The following HNRNPF variants were observed in gnomAD, a reference collection of about 807,000 sequenced individuals.
HNRNPF encodes HnRNP F protein.
Under a neutral mutation model 26.0 loss-of-function variants are expected in HNRNPF, and 2 were observed. The ratio of observed to expected loss-of-function variants is 0.08; its 90% CI spans 0.03 to 0.24. The LOEUF (loss-of-function observed/expected upper bound fraction) is 0.24. Ranked by LOEUF, HNRNPF falls within the 10% of genes least tolerant of loss-of-function variation. HNRNPF has a pLI of 1.00. For synonymous variants in HNRNPF, 234 were observed against 211.5 expected (o/e 1.11, Z -0.92); for missense variants, 299 against 539.2 (o/e 0.55, Z 4.41).
intron 1 of HNRNPF, among the ~76,000 whole-genome samples, chr10:43,403,334 T>C (rs1327011599): frequency 1.3e-5 from 2 of 152,220 alleles, no homozygotes; most frequent in Non-Finnish European, 2.9e-5. Flanking sequence ...AGAGATCTTT[T>C]TCCTAGCCCC....
rs1317388781 is a variant in HNRNPF at position 43,386,559 on chromosome 10, C to T, written c.*78G>A. Reference sequence around the variant, plus strand: ...TGGTGCAAAATGGGTCCCCCAGCTTCCTCTATTATAACTGCTCTTAATTGC... The same window carrying T: ...TGGTGCAAAATGGGTCCCCCAGCTTTCTCTATTATAACTGCTCTTAATTGC... On this transcript the variant is annotated 3_prime_UTR_variant, in exon 4 of 4. Coordinates refer to ENST00000682386, the MANE Select transcript of HNRNPF (RefSeq NM_001098204.2). 1 of 1,335,514 alleles carries T rather than the reference C, an allele frequency of 7.5e-7. No homozygotes were observed. 82.7% of individuals were successfully genotyped at this position (1,335,514 alleles called of 1,614,324 possible).
At chr10:43,408,110 G>A (rs1838989738) in intron 1 of HNRNPF, among the ~76,000 whole-genome samples, 1 of 152,042 alleles carries the variant, frequency 6.6e-6, no homozygotes, top group African/African-American at 2.4e-5. Flanking sequence ...TTACTTTTCA[G>A]TAGAGACAGT....
At chr10:43,391,368 GAA>G (rs1838239513) in intron 3 of HNRNPF, among the ~76,000 whole-genome samples, 2 of 151,652 alleles carry the variant, frequency 1.3e-5, no homozygotes, top group Non-Finnish European at 2.9e-5. Flanking sequence ...TGAGGCAAGA[GAA>G]TCACCTGAAC....
At chr10:43,392,841 G>A (rs1285879446) in intron 3 of HNRNPF, among the ~76,000 whole-genome samples, 3 of 152,156 alleles carry the variant, frequency 2.0e-5, no homozygotes, top group Admixed American at 6.5e-5. Flanking sequence ...CCCAGTCTTC[G>A]GCTCCCTGAA....
chr10:43,400,399 A>T (rs969579291), intron 1 of HNRNPF, among the ~76,000 whole-genome samples: 11 of 152,196 alleles, frequency 7.2e-5, no homozygotes, highest in African/African-American at 2.7e-4. Context: ...TTTAGGACAC[A>T]GCTTCTGCTG....
chr10:43,387,178 T>G lies in HNRNPF; in HGVS notation c.707A>C (p.Tyr236Ser). The G allele has an allele frequency of 6.2e-7, 1 of 1,614,194 alleles. No individual in the cohort carries two copies. The highest frequency in any genetic ancestry group is 8.5e-7 in the Non-Finnish European group (1 of 1,180,040). The change falls in exon 4 of 4, where the codon TAC becomes TCC. Residue 236 changes from tyrosine (Y) to serine (S), a missense_variant. Tyr to Ser is a moderately radical substitution (Grantham distance 144). Transcript: ENST00000682386. This position sits in a 1 kb window ranked among gnomAD's most constrained non-coding sequence, Gnocchi z 6.0. The part of the protein sequence containing the change: ...AGLERMRPGA[Y>S]STGYGGYEEY... ...CTCGTAGCCCCCGTAGCCTGTGCTG[T>G]AGGCACCAGGCCTCATCCTTTCCAG...
intron 1 of HNRNPF, among the ~76,000 whole-genome samples, chr10:43,400,185 T>A (rs539458558): frequency 4.9e-4 from 75 of 152,254 alleles, no homozygotes; most frequent in African/African-American, 1.7e-3. Context: ...CCCATCTCTA[T>A]ATAGGAAAAA....
chr10:43,402,710 A>T (rs1313878664), intron 1 of HNRNPF, among the ~76,000 whole-genome samples: 4 of 152,010 alleles, frequency 2.6e-5, no homozygotes, highest in Non-Finnish European at 4.4e-5. Flanking sequence ...TGTCATAAAC[A>T]TCATAATTCT....
chr10:43,407,062 T>C (rs1361600824), intron 1 of HNRNPF, among the ~76,000 whole-genome samples: 3 of 152,168 alleles, frequency 2.0e-5, no homozygotes, highest in African/African-American at 7.2e-5. Context: ...CGTATTTAAC[T>C]TTTAAAAATA....
intron 1 of HNRNPF, among the ~76,000 whole-genome samples, chr10:43,404,686 C>T (rs867508098): frequency 6.6e-6 from 1 of 151,994 alleles, no homozygotes; most frequent in Non-Finnish European, 1.5e-5. Context: ...GTTGATACTC[C>T]GTCTCTACTA....
Position 43,386,621 on chromosome 10 carries a change from A to G in HNRNPF, c.*16T>C, listed in dbSNP as rs1425251705. 7.9e-6 allele frequency: 12 copies of G among 1,524,408 alleles called. No individual in the cohort carries two copies. The highest frequency in any genetic ancestry group is 5.2e-5 in the South Asian group (4 of 77,188). 94.4% of individuals were successfully genotyped at this position (1,524,408 alleles called of 1,614,324 possible). A position where few individuals can be genotyped will look rare whatever the true frequency, so the allele number is the denominator to read the frequency against. ...CTGTGAAAATGATTGAAGTAACTCA[A>G]ATGTTCCTAACAAAACTAGTCATAG... On this transcript the variant is annotated 3_prime_UTR_variant, in exon 4 of 4. Coordinates refer to ENST00000682386, the MANE Select transcript of HNRNPF (RefSeq NM_001098204.2).
intron 1 of HNRNPF, chr10:43,397,129 G>C (rs150076794): frequency 0.096 from 14,421 of 150,666 alleles, 792 homozygotes; most frequent in Non-Finnish European, 0.12. Context: ...AAAGGGACCT[G>C]GGGGGGGCGG....
intron 1 of HNRNPF, among the ~76,000 whole-genome samples, chr10:43,399,466 G>C (rs956067835): frequency 1.3e-5 from 2 of 152,158 alleles, no homozygotes; most frequent in Admixed American, 1.3e-4. Flanking sequence ...TTGAGCCAGG[G>C]GTTGTATTGT....
At position 43,387,516 on chromosome 10, in the gene HNRNPF, T is replaced by C. The variant is rs1838075187; in HGVS notation, c.369A>G (p.Thr123=). Residue 123 remains threonine (T), a synonymous_variant, in exon 4 of 4, where the codon ACA becomes ACG. Transcript: ENST00000682386. This position sits in a 1 kb window ranked among gnomAD's most constrained non-coding sequence, Gnocchi z 6.0. ...AGAAGAACTGAACAATTTCTTCCTTTGTGCATCCAAATGGGAGTCCTCGAA... is the reference window on the plus strand; with the variant it reads ...AGAAGAACTGAACAATTTCTTCCTTCGTGCATCCAAATGGGAGTCCTCGAA... The part of the protein sequence containing the change: ...VRLRGLPFGC[T]KEEIVQFFSG... The C allele has an allele frequency of 1.2e-6, 2 of 1,614,122 alleles. No individual in the cohort carries two copies. Among genetic ancestry groups the C allele is most frequent in the Admixed American group, 1.7e-5 (1 of 60,000 alleles).
chr10:43,405,187 T>C (rs921121505), intron 1 of HNRNPF, among the ~76,000 whole-genome samples: 6 of 152,210 alleles, frequency 3.9e-5, no homozygotes, highest in Non-Finnish European at 8.8e-5. Flanking sequence ...GGATATATAT[T>C]AGGTTAAATT....
At chr10:43,397,013 T>G (rs1212607467) in intron 1 of HNRNPF, among the ~76,000 whole-genome samples, 1 of 150,046 alleles carries the variant, frequency 6.7e-6, no homozygotes, top group Non-Finnish European at 1.5e-5. Flanking sequence ...AAGCTAGCGC[T>G]GCCTAGGCGG....
At chr10:43,406,635 CGAGCCGA>C (rs941522336) in intron 1 of HNRNPF, among the ~76,000 whole-genome samples, 19 of 151,980 alleles carry the variant, frequency 1.3e-4, no homozygotes, top group African/African-American at 4.4e-4. Context: ...ATCTCGGCAG[CGAGCCGA>C]GATCACACCA....
chr10:43,403,483 C>T (rs901609985), intron 1 of HNRNPF, among the ~76,000 whole-genome samples: 2 of 152,160 alleles, frequency 1.3e-5, no homozygotes, highest in Non-Finnish European at 2.9e-5. Context: ...AGGCTAATTT[C>T]ACTCAAGAAC....
intron 1 of HNRNPF, among the ~76,000 whole-genome samples, chr10:43,398,573 C>G (rs1365904878): frequency 6.6e-6 from 1 of 152,014 alleles, no homozygotes; most frequent in Non-Finnish European, 1.5e-5. Context: ...AACTCCTGAC[C>G]TTGTGATCCA....
Sources: allele counts gnomAD v4.1 joint callset (sites outside exome capture counted in the v4.1 genomes callset), GRCh38; gene constraint gnomAD v4.1.1; non-coding constraint Gnocchi (gnomAD v3.1); transcripts MANE v1.5; gene names NCBI Gene and HGNC (gene_info 2026-07-23, HGNC 2026-07-21).